The following CAAP1 variants were observed in gnomAD, a reference collection of about 807,000 sequenced individuals.
The protein encoded by CAAP1 is conserved anti-apoptotic protein.
A neutral mutation model predicts 34.0 loss-of-function variants in CAAP1; 20 were observed. That is an observed-to-expected ratio of 0.59 (90% CI 0.41 to 0.86). The LOEUF is 0.86. Ranked by LOEUF, CAAP1 falls within the 40% of genes least tolerant of loss-of-function variation. CAAP1 has a pLI of 0.00. For missense variants in CAAP1, 538 were observed against 450.5 expected (o/e 1.19, Z -1.76); for synonymous variants, 213 against 166.7 (o/e 1.28, Z -2.14).
intron 5 of CAAP1, among the ~76,000 whole-genome samples, chr9:26,846,043 T>G (rs546880332): frequency 1.3e-4 from 20 of 152,300 alleles, no homozygotes; most frequent in African/African-American, 4.3e-4. Flanking sequence ...GTTGGCTTAA[T>G]TATTCAAAAT....
At chr9:26,844,284 G>T (rs1183415451) in intron 5 of CAAP1, among the ~76,000 whole-genome samples, 1 of 152,186 alleles carries the variant, frequency 6.6e-6, no homozygotes, top group Non-Finnish European at 1.5e-5. Flanking sequence ...TTGAACCTGG[G>T]AGGCGGAGGT....
rs571576118 is a variant in CAAP1 at position 26,892,773 on chromosome 9, C to G, written c.-58G>C. 8.3e-5 allele frequency: 124 copies of G among 1,488,202 alleles called. No individual in the cohort carries two copies. The highest frequency in any genetic ancestry group is 1.0e-4 in the Non-Finnish European group (116 of 1,116,714). 92.2% of individuals were successfully genotyped at this position (1,488,202 alleles called of 1,614,324 possible). The stretch of plus-strand genomic sequence containing the variant: ...CGCTGTCTCTGGTGCGACCGAAGCC[C>G]GACTCCTGCGGCCGTGGGCGGCAGG... On this transcript the variant is annotated 5_prime_UTR_variant, in exon 1 of 6. Transcript: ENST00000333916.
intron 1 of CAAP1, among the ~76,000 whole-genome samples, chr9:26,888,770 G>A (rs1222118954): frequency 2.0e-5 from 3 of 152,128 alleles, no homozygotes; most frequent in Non-Finnish European, 4.4e-5. Context: ...GAAATGTAAC[G>A]ATATGTCTAC....
At chr9:26,872,392 T>G (rs1225803054) in intron 4 of CAAP1, among the ~76,000 whole-genome samples, 1 of 152,124 alleles carries the variant, frequency 6.6e-6, no homozygotes, top group Non-Finnish European at 1.5e-5. Context: ...CAGTACACTT[T>G]CAGTAGTAAC....
intron 4 of CAAP1, among the ~76,000 whole-genome samples, chr9:26,876,768 T>C (rs1823444405): frequency 2.6e-5 from 4 of 152,158 alleles, no homozygotes; most frequent in Admixed American, 2.6e-4. Flanking sequence ...TGCTCCAAAA[T>C]ATGAAATTTT....
intron 1 of CAAP1, among the ~76,000 whole-genome samples, chr9:26,891,917 G>A (rs993330156): frequency 3.9e-5 from 6 of 152,102 alleles, no homozygotes; most frequent in African/African-American, 1.2e-4. Context: ...CAGACTGGTG[G>A]CGTATAAAGA....
intron 4 of CAAP1, chr9:26,869,940 A>G (rs1823234115): frequency 2.0e-6 from 2 of 984,880 alleles, no homozygotes; most frequent in Non-Finnish European, 2.4e-6. Flanking sequence ...TAATCATCTA[A>G]CCCAGTGCTT....
intron 5 of CAAP1, among the ~76,000 whole-genome samples, chr9:26,849,234 A>G (rs190583603): frequency 1.6e-3 from 245 of 152,294 alleles, no homozygotes; most frequent in African/African-American, 5.6e-3. Context: ...AATCTTTTAC[A>G]TCTTTGTCTT....
In CAAP1 at chr9:26,877,885, A is replaced by G. The variant is rs186664510; in HGVS notation, c.665+6925T>C. On this transcript the variant is annotated intron_variant, in intron 4 of 5. Transcript: ENST00000333916. ...ATTTATTACACAGGAAAAATTTCCT[A>G]TATTATTAAATTATTATTTAATAAT... Among the ~76,000 whole-genome samples, 533 of 150,346 alleles carry G rather than the reference A, an allele frequency of 3.5e-3. 2 individuals are homozygous for G. Among genetic ancestry groups the G allele is most frequent in the Non-Finnish European group, 5.8e-3 (393 of 67,468 alleles).
chr9:26,868,271 T>C (rs999544760), intron 4 of CAAP1, among the ~76,000 whole-genome samples: 12 of 152,208 alleles, frequency 7.9e-5, no homozygotes, highest in African/African-American at 2.9e-4. Flanking sequence ...TCTTGCATTA[T>C]TCTGATGAGC....
intron 5 of CAAP1, among the ~76,000 whole-genome samples, chr9:26,856,176 TA>T (rs1300127639): frequency 6.6e-6 from 1 of 152,042 alleles, no homozygotes; most frequent in Non-Finnish European, 1.5e-5. Context: ...TCTGTGTGCA[TA>T]TTTTGTGCTT....
chr9:26,864,310 A>G (rs1234737722), intron 4 of CAAP1, among the ~76,000 whole-genome samples: 1 of 152,078 alleles, frequency 6.6e-6, no homozygotes, highest in African/African-American at 2.4e-5. Context: ...GGAACTTAAT[A>G]AAGAACCACA....
chr9:26,853,059 G>A (rs1160042823), intron 5 of CAAP1, among the ~76,000 whole-genome samples: 1 of 152,222 alleles, frequency 6.6e-6, no homozygotes, highest in Non-Finnish European at 1.5e-5. Flanking sequence ...GATGGACTAT[G>A]GATTTTGTGT....
At chr9:26,853,782 T>C (rs1270180479) in intron 5 of CAAP1, among the ~76,000 whole-genome samples, 2 of 152,260 alleles carry the variant, frequency 1.3e-5, no homozygotes, top group South Asian at 2.1e-4. Context: ...AAAGAGTTCA[T>C]CCATTTTAAC....
rs751870087 is a variant in CAAP1 at position 26,879,248 on chromosome 9, T to C, written c.665+5562A>G. On this transcript the variant is annotated intron_variant, in intron 4 of 5. Coordinates refer to ENST00000333916, the MANE Select transcript of CAAP1 (RefSeq NM_024828.4). ...ATTTTTGTTGTTGCTTTGTAGTAAATTCTAAGAAGGGCAAAACTGCTGTTT... is the reference window on the plus strand; with the variant it reads ...ATTTTTGTTGTTGCTTTGTAGTAAACTCTAAGAAGGGCAAAACTGCTGTTT... Among the ~76,000 whole-genome samples the C allele has an allele frequency of 7.8e-4, 119 of 152,338 alleles. 2 individuals carry two copies. Among genetic ancestry groups the C allele is most frequent in the Non-Finnish European group, 2.8e-4 (19 of 68,024 alleles).
chr9:26,859,574 T>A (rs1822956996), intron 5 of CAAP1, among the ~76,000 whole-genome samples: 1 of 152,142 alleles, frequency 6.6e-6, no homozygotes, highest in Admixed American at 6.5e-5. Context: ...GAAGAAACAG[T>A]AGCAGTGTAG....
intron 4 of CAAP1, among the ~76,000 whole-genome samples, chr9:26,873,622 C>T (rs1195875404): frequency 1.3e-5 from 2 of 152,116 alleles, no homozygotes; most frequent in Non-Finnish European, 2.9e-5. Flanking sequence ...ATTTTCAGTG[C>T]TATTTTAACT....
chr9:26,865,129 T>C (rs1339043193), intron 4 of CAAP1, among the ~76,000 whole-genome samples: 1 of 152,200 alleles, frequency 6.6e-6, no homozygotes, highest in East Asian at 1.9e-4. Flanking sequence ...AATCCTTTTA[T>C]ACATTCAAAT....
At position 26,842,085 on chromosome 9, in the gene CAAP1, T is replaced by C; in HGVS notation, c.*216A>G. On this transcript the variant is annotated 3_prime_UTR_variant, in exon 6 of 6. Transcript: ENST00000333916. ...ACAAAGTATCCAGGCTATCCAACTATATTGCCATGAATTCATAAGACAGTA... is the reference window on the plus strand; with the variant it reads ...ACAAAGTATCCAGGCTATCCAACTACATTGCCATGAATTCATAAGACAGTA... 2.3e-6 allele frequency: 1 copy of C among 430,662 alleles called. No homozygotes were observed. 26.7% of individuals were successfully genotyped at this position (430,662 alleles called of 1,614,324 possible). A position where few individuals can be genotyped will look rare whatever the true frequency, so the allele number is the denominator to read the frequency against.
Sources: gnomAD v4.1 joint callset for allele counts (sites outside exome capture counted in the v4.1 genomes callset) on GRCh38, gnomAD v4.1.1 for gene constraint, MANE v1.5 for transcripts, NCBI Gene and HGNC (gene_info 2026-07-23, HGNC 2026-07-21) for gene names.